MSI2: variants seen among roughly 807,000 people sequenced by gnomAD.
MSI2 encodes RNA-binding protein Musashi homolog 2.
A neutral mutation model predicts 45.6 loss-of-function variants in MSI2; 17 were observed. The ratio of observed to expected loss-of-function variants is 0.37; its 90% confidence interval spans 0.26 to 0.56. MSI2 has a LOEUF of 0.56. Ranked by LOEUF, MSI2 falls within the 20% of genes least tolerant of loss-of-function variation. MSI2 has a pLI of 0.77. For missense variants in MSI2, 293 were observed against 444.2 expected (o/e 0.66, Z 3.06); for synonymous variants, 156 against 158.2 (o/e 0.99, Z 0.11).
intron 4 of MSI2, among the ~76,000 whole-genome samples, chr17:57,258,586 AGAGGGTTCGGCTCCTG>A (rs1907032286): frequency 1.3e-5 from 2 of 152,038 alleles, no homozygotes; most frequent in Admixed American, 1.3e-4. Flanking sequence ...CTTGGGGAGG[AGAGGGTTCGGCTCCTG>A]GAGAGTCTGC....
At chr17:57,443,640 C>A (rs2084842439) in intron 6 of MSI2, among the ~76,000 whole-genome samples, 1 of 152,146 alleles carries the variant, frequency 6.6e-6, no homozygotes, top group Non-Finnish European at 1.5e-5. Context: ...ACACGTAAAA[C>A]CCCATCTCCT....
intron 6 of MSI2, among the ~76,000 whole-genome samples, chr17:57,491,084 G>A (rs570662870): frequency 4.6e-5 from 7 of 152,222 alleles, no homozygotes; most frequent in Non-Finnish European, 8.8e-5. Context: ...GCTTGCAGGT[G>A]TCCTGGCGCT....
intron 5 of MSI2, among the ~76,000 whole-genome samples, chr17:57,330,612 C>G (rs1914169990): frequency 1.3e-5 from 2 of 152,126 alleles, no homozygotes; most frequent in South Asian, 4.2e-4. Context: ...TAAAGGGTAC[C>G]TGCATGATTC....
At chr17:57,439,452 A>G (rs1598271651) in intron 6 of MSI2, among the ~76,000 whole-genome samples, 1 of 152,188 alleles carries the variant, frequency 6.6e-6, no homozygotes, top group Non-Finnish European at 1.5e-5. Context: ...GGTCAACCCA[A>G]GCCTTCATCA....
intron 11 of MSI2, among the ~76,000 whole-genome samples, chr17:57,658,353 C>G (rs1195280148): frequency 6.6e-6 from 1 of 152,232 alleles, no homozygotes; most frequent in Non-Finnish European, 1.5e-5. Context: ...ACACATCTCT[C>G]AGTCTACTGC....
At chr17:57,699,844 C>T in the MSI2 span, among the ~76,000 whole-genome samples, 1 of 152,254 alleles carries the variant, frequency 6.6e-6, no homozygotes, top group Non-Finnish European at 1.5e-5. Flanking sequence ...TGTCCTGCTG[C>T]CCTCGCCACC....
chr17:57,696,571 C>CA, the MSI2 span, among the ~76,000 whole-genome samples: 2 of 151,910 alleles, frequency 1.3e-5, no homozygotes, highest in Non-Finnish European at 2.9e-5. Flanking sequence ...CCTATCTCTA[C>CA]AAAAAAATTA....
At position 57,280,814 on chromosome 17, in the gene MSI2, G is replaced by GA. The variant is rs35019880; in HGVS notation, c.312+18629dup. On this transcript the variant is annotated intron_variant, in intron 5 of 13. Transcript: ENST00000284073. The surrounding 1 kb of genome is among the most constrained non-coding windows in gnomAD (Gnocchi z 4.2). ...AATCATTAAAAATAAAATAGGATGA[G>GA]AAAAAAAGCTAAGCACACATAAACA... 0.64 allele frequency among the ~76,000 whole-genome samples: 97,780 copies of GA among 151,898 alleles called. 33,806 individuals carry two copies. The highest frequency in any genetic ancestry group is 0.81 in the Middle Eastern group (236 of 292).
rs549370969 is a variant in MSI2 at position 57,565,792 on chromosome 17, G to T, written c.455-31076G>T. 5.3e-5 allele frequency: 8 copies of T among 152,358 alleles called. No individual in the cohort carries two copies. The East Asian group carries it at 1.4e-3, about 26-fold the overall frequency. The allele number at this position is 152,358 out of a possible 1,614,324, so 9.4% of individuals were successfully genotyped here. On this transcript the variant is annotated intron_variant, in intron 7 of 13. Transcript: ENST00000284073. ...CCTAGGCTTTGAAAGCAGAGGAAGG[G>T]AAGGCATTTCAGGCAGATGCCCCCT...
At chr17:57,469,297 A>G (rs558165179) in intron 6 of MSI2, among the ~76,000 whole-genome samples, 10 of 152,246 alleles carry the variant, frequency 6.6e-5, no homozygotes, top group Non-Finnish European at 1.5e-4. Flanking sequence ...TAAACTAAAC[A>G]AGAAAACCAA....
At chr17:57,282,145 G>T (rs1909475435) in intron 5 of MSI2, among the ~76,000 whole-genome samples, 1 of 152,120 alleles carries the variant, frequency 6.6e-6, no homozygotes, top group Non-Finnish European at 1.5e-5. Flanking sequence ...TCCTGTCTTT[G>T]CTTGGGGTGA....
chr17:57,535,294 C>CCTGGGTTCCTGAGCCCTGCACAG (rs1205010694), intron 7 of MSI2, among the ~76,000 whole-genome samples: 2 of 152,216 alleles, frequency 1.3e-5, no homozygotes, highest in African/African-American at 4.8e-5. Context: ...ATTTCAGAGC[C>CCTGGGTTCCTGAGCCCTGCACAG]CTGGGTTCCT....
At chr17:57,619,310 A>G (rs1908050134) in intron 9 of MSI2, among the ~76,000 whole-genome samples, 1 of 152,232 alleles carries the variant, frequency 6.6e-6, no homozygotes, top group Non-Finnish European at 1.5e-5. Context: ...GCCTTGGGAC[A>G]CAGTGCTTCA....
chr17:57,414,467 G>A (rs2084256301), intron 6 of MSI2, among the ~76,000 whole-genome samples: 1 of 151,674 alleles, frequency 6.6e-6, no homozygotes, highest in Non-Finnish European at 1.5e-5. Context: ...TTGGCTCACT[G>A]CAGCCTCTGC....
chr17:57,393,690 T>G (rs1414342328), intron 5 of MSI2, among the ~76,000 whole-genome samples: 2 of 152,098 alleles, frequency 1.3e-5, no homozygotes, highest in African/African-American at 4.8e-5. Context: ...ATTTATTTAT[T>G]TATTTATTTT....
intron 2 of MSI2, 27 bp from the exon 3 acceptor site, chr17:57,257,439 C>CG (rs555020534): frequency 1.8e-5 from 22 of 1,228,264 alleles, no homozygotes; most frequent in African/African-American, 4.6e-5. Context: ...CTCTCCCCCC[C>CG]CCATCTCTCT....
intron 5 of MSI2, among the ~76,000 whole-genome samples, chr17:57,378,276 T>C (rs2083536500): frequency 1.3e-5 from 2 of 151,884 alleles, no homozygotes; most frequent in Admixed American, 6.6e-5. Flanking sequence ...TTTTATTATT[T>C]TTTTTGAGAT....
At chr17:57,663,572 G>A (rs1912160552) in intron 11 of MSI2, among the ~76,000 whole-genome samples, 1 of 152,174 alleles carries the variant, frequency 6.6e-6, no homozygotes, top group African/African-American at 2.4e-5. Context: ...CCTGGAGTCC[G>A]GGTCCGTCAC....
At chr17:57,517,249 T>C (rs914767344) in intron 6 of MSI2, among the ~76,000 whole-genome samples, 9 of 152,164 alleles carry the variant, frequency 5.9e-5, no homozygotes, top group South Asian at 2.1e-4. Flanking sequence ...ATTGGGGAGA[T>C]TGGCTGCCAG....
Sources: gnomAD v4.1 joint callset for allele counts (sites outside exome capture counted in the v4.1 genomes callset) on GRCh38, gnomAD v4.1.1 for gene constraint, Gnocchi (gnomAD v3.1) non-coding constraint, MANE v1.5 for transcripts, NCBI Gene and HGNC (gene_info 2026-07-23, HGNC 2026-07-21) for gene names.